STK3: variants seen among roughly 807,000 people sequenced by gnomAD.
The protein encoded by STK3 is serine/threonine-protein kinase 3.
STK3 carries 41 observed loss-of-function variants against 58.0 expected under a neutral mutation model. The ratio of observed to expected loss-of-function variants is 0.71; its 90% CI spans 0.55 to 0.92. STK3 has a LOEUF of 0.92. Ranked by LOEUF, STK3 falls within the 40% of genes least tolerant of loss-of-function variation. The probability of loss-of-function intolerance (pLI) is 0.00; values close to 1 mark genes in which losing one functional copy is unlikely to be tolerated. For synonymous variants in STK3, 170 were observed against 191.0 expected (o/e 0.89, Z 0.91); for missense variants, 479 against 602.7 (o/e 0.79, Z 2.15).
At chr8:98,911,866 A>T (rs1386752662) in intron 1 of STK3, among the ~76,000 whole-genome samples, 11 of 152,226 alleles carry the variant, frequency 7.2e-5, no homozygotes, top group Non-Finnish European at 1.6e-4. Flanking sequence ...TTCCTAAATG[A>T]TTCAAATTTG....
At chr8:98,420,930 G>A (rs75724059) in intron 3 of STK3, among the ~76,000 whole-genome samples, 252 of 152,292 alleles carry the variant, frequency 1.7e-3, no homozygotes, top group Non-Finnish European at 2.5e-3. Context: ...GTTTCAAGAT[G>A]AGGAAAATGA....
At chr8:98,767,216 A>G (rs775236788) in intron 3 of STK3, 27 bp downstream of exon 3, 1 of 1,562,344 alleles carries the variant, frequency 6.4e-7, no homozygotes, top group Non-Finnish European at 8.6e-7. Flanking sequence ...AAACAAGGGT[A>G]AGCAAAGAAA....
rs190825999 is a variant in STK3, at chr8:98,900,750, C to G, written c.-78-16916G>C. Among the ~76,000 whole-genome samples the G allele has an allele frequency of 1.1e-3, 165 of 151,892 alleles. 2 individuals carry two copies. Among genetic ancestry groups the G allele is most frequent in the African/African-American group, 3.3e-3 (138 of 41,388 alleles). Reference sequence around the variant, plus strand: ...AATCTTAGCTCACTGCAACCTCCCCCCACTGGGTTCAAGTGATTCTCCTGC... The same window carrying G: ...AATCTTAGCTCACTGCAACCTCCCCGCACTGGGTTCAAGTGATTCTCCTGC... On this transcript the variant is annotated intron_variant, in intron 1 of 1. Transcript: ENST00000519420.
intron 3 of STK3, among the ~76,000 whole-genome samples, chr8:98,765,027 A>G (rs140147053): frequency 5.4e-4 from 82 of 152,358 alleles, no homozygotes; most frequent in Non-Finnish European, 9.3e-4. Flanking sequence ...TGAACAAATA[A>G]GATGCTGTTG....
At chr8:98,429,473 C>A in intron 3 of STK3, 1 of 1,230,746 alleles carries the variant, frequency 8.1e-7, no homozygotes, top group Non-Finnish European at 1.2e-6. Flanking sequence ...GCCTCTGGCA[C>A]AGCCCAGGCA....
At position 98,426,811 on chromosome 8, in the gene STK3, A is replaced by G. The variant is rs543189173; in HGVS notation, n.483+7316T>C. Among the ~76,000 whole-genome samples, 284 of 151,670 alleles carry G rather than the reference A, an allele frequency of 1.9e-3. 1 individual carries two copies. Among genetic ancestry groups the G allele is most frequent in the African/African-American group, 6.1e-3 (252 of 41,318 alleles). On this transcript the variant is annotated intron_variant and non_coding_transcript_variant, in intron 3 of 3. Coordinates refer to the STK3 transcript ENST00000517832. The stretch of plus-strand genomic sequence containing the variant: ...CTGTCACCGGGGGATGGTCGGGGGG[A>G]AGGGAGAGGTGTCGGCCCCGCGCCG...
In STK3 at chr8:98,624,679, C is replaced by T. The variant is rs149872738; in HGVS notation, c.685-28510G>A. Among the ~76,000 whole-genome samples, 9 of 151,962 alleles carry T rather than the reference C, an allele frequency of 5.9e-5. No homozygotes were observed. The East Asian group carries it at 1.5e-3, about 26-fold the overall frequency. Reference sequence around the variant, plus strand: ...ACTAGCCTGGGCAACATGGTGAAACCCCATCTCTACTAAAAATACAAAAAA... The same window carrying T: ...ACTAGCCTGGGCAACATGGTGAAACTCCATCTCTACTAAAAATACAAAAAA... On this transcript the variant is annotated intron_variant, in intron 6 of 10. Coordinates refer to ENST00000419617, the MANE Select transcript of STK3 (RefSeq NM_006281.4).
intron 8 of STK3, among the ~76,000 whole-genome samples, chr8:98,579,022 G>A (rs894994683): frequency 3.9e-5 from 6 of 151,990 alleles, no homozygotes; most frequent in Admixed American, 1.3e-4. Flanking sequence ...ATGGTAGTGT[G>A]CGCCTGTAGT....
chr8:98,911,318 A>G (rs1208205692), intron 1 of STK3, among the ~76,000 whole-genome samples: 1 of 152,234 alleles, frequency 6.6e-6, no homozygotes, highest in Admixed American at 6.5e-5. Context: ...ATAATACATC[A>G]GCAGCCTCCC....
At chr8:98,585,507 T>C (rs1347065860) in intron 7 of STK3, among the ~76,000 whole-genome samples, 1 of 150,876 alleles carries the variant, frequency 6.6e-6, no homozygotes, top group Non-Finnish European at 1.5e-5. Context: ...AGCCTTGTAG[T>C]ATAGTTTGAA....
intron 6 of STK3, among the ~76,000 whole-genome samples, chr8:98,616,953 C>G (rs1463220584): frequency 1.3e-5 from 2 of 152,140 alleles, no homozygotes; most frequent in Admixed American, 6.5e-5. Context: ...ATCTCCGCAC[C>G]AAGCGGACCT....
intron 1 of STK3, among the ~76,000 whole-genome samples, chr8:98,918,851 A>G (rs1839443657): frequency 6.6e-6 from 1 of 151,998 alleles, no homozygotes; most frequent in South Asian, 2.1e-4. Flanking sequence ...GTTCAAATTC[A>G]TGCCTCAGCA....
At chr8:98,697,548 G>C (rs950149921) in intron 6 of STK3, among the ~76,000 whole-genome samples, 1 of 152,158 alleles carries the variant, frequency 6.6e-6, no homozygotes, top group African/African-American at 2.4e-5. Flanking sequence ...AGAGATTCTT[G>C]TATATTGTGT....
chr8:98,493,295 A>C (rs1822863606), intron 10 of STK3, among the ~76,000 whole-genome samples: 5 of 151,918 alleles, frequency 3.3e-5, no homozygotes, highest in Admixed American at 2.0e-4. Flanking sequence ...TAAAATAAAA[A>C]GTTTCTTTAA....
At chr8:98,490,572 T>A (rs563073008) in intron 10 of STK3, among the ~76,000 whole-genome samples, 121 of 152,322 alleles carry the variant, frequency 7.9e-4, no homozygotes, top group Middle Eastern at 3.4e-3. Context: ...CTAACTATAC[T>A]GTAAGTTCCT....
chr8:98,612,521 C>T, intron 6 of STK3, among the ~76,000 whole-genome samples: 1 of 150,440 alleles, frequency 6.6e-6, no homozygotes, highest in South Asian at 2.1e-4. Context: ...GAAGGCAGAA[C>T]AGCTAGGGAT....
chr8:98,615,715 T>C (rs1227970686), intron 6 of STK3, among the ~76,000 whole-genome samples: 6 of 53,112 alleles, frequency 1.1e-4, no homozygotes, highest in East Asian at 3.9e-4. Flanking sequence ...GTATCAGCAA[T>C]GGAAGATGAA....
chr8:98,743,463 T>C (rs1163192765), intron 4 of STK3, among the ~76,000 whole-genome samples: 1 of 152,090 alleles, frequency 6.6e-6, no homozygotes, highest in Non-Finnish European at 1.5e-5. Context: ...TTGACAAACC[T>C]GAGAAAAACA....
chr8:98,739,996 T>C (rs898273810), intron 4 of STK3, among the ~76,000 whole-genome samples: 17 of 151,880 alleles, frequency 1.1e-4, no homozygotes, highest in African/African-American at 4.1e-4. Context: ...AGGGTATCAG[T>C]GATGGAAGAC....
Sources: allele counts gnomAD v4.1 joint callset (sites outside exome capture counted in the v4.1 genomes callset), GRCh38; gene constraint gnomAD v4.1.1; transcripts MANE v1.5; gene names NCBI Gene and HGNC (gene_info 2026-07-23, HGNC 2026-07-21).